XRCC4: variants seen among roughly 807,000 people sequenced by gnomAD.
XRCC4 encodes DNA repair protein XRCC4.
In XRCC4, 28 loss-of-function variants were observed where a neutral mutation model predicts 39.1. That is an observed-to-expected ratio of 0.72 (90% CI 0.53 to 0.98). The LOEUF is 0.98. Among genes scored for constraint, XRCC4 ranks in the 50% least tolerant of loss-of-function variants. XRCC4 has a pLI of 0.00. For missense variants in XRCC4, 350 were observed against 376.4 expected, an observed-to-expected ratio of 0.93 and a Z score of 0.58; for synonymous variants, 123 against 126.4, an observed-to-expected ratio of 0.97 and a Z score of 0.18.
At chr5:83,267,669 T>C (rs538268289) in intron 7 of XRCC4, among the ~76,000 whole-genome samples, 3 of 152,250 alleles carry the variant, frequency 2.0e-5, no homozygotes, top group African/African-American at 4.8e-5. Flanking sequence ...ATACCCACAA[T>C]GGACCACCCA....
intron 6 of XRCC4, among the ~76,000 whole-genome samples, chr5:83,240,705 C>A (rs1752874513): frequency 6.6e-6 from 1 of 151,998 alleles, no homozygotes; most frequent in Non-Finnish European, 1.5e-5. Context: ...CTTGTGTGTA[C>A]AAGATAGCTG....
intron 7 of XRCC4, among the ~76,000 whole-genome samples, chr5:83,275,055 G>C (rs1561448533): frequency 6.6e-6 from 1 of 152,160 alleles, no homozygotes; most frequent in Non-Finnish European, 1.5e-5. Context: ...GTTGGTCTTA[G>C]AGTAGGCTAA....
chr5:83,340,464 G>A (rs1490890307), intron 7 of XRCC4, among the ~76,000 whole-genome samples: 1 of 152,124 alleles, frequency 6.6e-6, no homozygotes, highest in Admixed American at 6.6e-5. Context: ...TAATCACAAA[G>A]GTCCTTAAGT....
At chr5:83,254,281 A>AC (rs1417958502) in intron 6 of XRCC4, among the ~76,000 whole-genome samples, 1 of 152,056 alleles carries the variant, frequency 6.6e-6, no homozygotes, top group Admixed American at 6.6e-5. Context: ...AGCTGATTTA[A>AC]CATATCGCTC....
intron 7 of XRCC4, among the ~76,000 whole-genome samples, chr5:83,308,945 G>A (rs1261890924): frequency 6.6e-6 from 1 of 151,530 alleles, no homozygotes. Flanking sequence ...TTCATTTATT[G>A]CACAGCAAGG....
intron 7 of XRCC4, among the ~76,000 whole-genome samples, chr5:83,278,960 C>T (rs1754434614): frequency 6.9e-6 from 1 of 145,678 alleles, no homozygotes; most frequent in Non-Finnish European, 1.5e-5. Flanking sequence ...TCCACTCCAC[C>T]ACTCCACTCC....
intron 7 of XRCC4, among the ~76,000 whole-genome samples, chr5:83,349,781 T>C (rs1364789971): frequency 6.6e-6 from 1 of 152,202 alleles, no homozygotes; most frequent in East Asian, 1.9e-4. Context: ...GCTTTTATTT[T>C]AGATACAGGG....
At chr5:83,328,534 T>C (rs1416762979) in intron 7 of XRCC4, among the ~76,000 whole-genome samples, 1 of 152,068 alleles carries the variant, frequency 6.6e-6, no homozygotes, top group Non-Finnish European at 1.5e-5. Context: ...ATGGAGCAAA[T>C]TGTAAAATTT....
intron 3 of XRCC4, among the ~76,000 whole-genome samples, chr5:83,160,100 A>G (rs1749135652): frequency 6.6e-6 from 1 of 152,214 alleles, no homozygotes; most frequent in Admixed American, 6.5e-5. Context: ...AGAAATAGAA[A>G]TAGCCCTGAA....
intron 3 of XRCC4, among the ~76,000 whole-genome samples, chr5:83,140,454 C>T (rs138698722): frequency 4.9e-4 from 75 of 152,224 alleles, no homozygotes; most frequent in African/African-American, 6.3e-4. Flanking sequence ...TTGTTCTAGC[C>T]GCACTGGCAG....
intron 4 of XRCC4, chr5:83,201,995 T>A (rs1751218980): frequency 6.8e-6 from 1 of 147,038 alleles, no homozygotes. Context: ...TGAGTGGAGA[T>A]CGTGCCACTG....
chr5:83,321,609 T>C (rs528224208), intron 7 of XRCC4, among the ~76,000 whole-genome samples: 1 of 152,282 alleles, frequency 6.6e-6, no homozygotes, highest in East Asian at 1.9e-4. Context: ...CAGCATACTA[T>C]GAAGAACATG....
intron 3 of XRCC4, among the ~76,000 whole-genome samples, chr5:83,116,608 CTTTTTTTTTTTTTT>C (rs559079642): frequency 1.9e-5 from 2 of 103,196 alleles, no homozygotes; most frequent in Non-Finnish European, 3.8e-5. Context: ...TTCTCTCTCT[CTTTTTTTTTTTTTT>C]TTTTTTTTTT....
At position 83,082,977 on chromosome 5, in the gene XRCC4, ACTG is replaced by A. The variant is rs963714672; in HGVS notation, c.-11+5368_-11+5370del. On this transcript the variant is annotated intron_variant, in intron 1 of 7. Transcript: ENST00000396027. ...CTTCTACCACAGGGCCTTTGCACTGACTGCTGCTTCTTTCTAGAATGCTTTTGG... is the reference window on the plus strand; with the variant it reads ...CTTCTACCACAGGGCCTTTGCACTGACTGCTTCTTTCTAGAATGCTTTTGG... Among the ~76,000 whole-genome samples, 3 of 150,706 alleles carry A rather than the reference ACTG, an allele frequency of 2.0e-5. 1 individual carries two copies. The highest frequency in any genetic ancestry group is 2.9e-5 in the Non-Finnish European group (2 of 67,842).
chr5:83,136,871 A>G (rs1013324652), intron 3 of XRCC4, among the ~76,000 whole-genome samples: 5 of 152,156 alleles, frequency 3.3e-5, no homozygotes, highest in South Asian at 4.1e-4. Context: ...CTGGAGATCT[A>G]ATTTATACCA....
intron 1 of XRCC4, among the ~76,000 whole-genome samples, chr5:83,097,725 G>A (rs973903112): frequency 1.3e-5 from 2 of 152,040 alleles, no homozygotes; most frequent in Non-Finnish European, 2.9e-5. Context: ...GCTGTTTCAG[G>A]TACTATCTTA....
chr5:83,125,208 T>C (rs959253470), intron 3 of XRCC4, among the ~76,000 whole-genome samples: 3 of 152,208 alleles, frequency 2.0e-5, no homozygotes, highest in African/African-American at 7.2e-5. Flanking sequence ...AATGTGAAAC[T>C]ATTTTCTTCT....
At chr5:83,363,596 T>C in the XRCC4 span, among the ~76,000 whole-genome samples, 1 of 152,174 alleles carries the variant, frequency 6.6e-6, no homozygotes, top group East Asian at 1.9e-4. Flanking sequence ...GGAGCATCCA[T>C]AAATGAAATG....
chr5:83,371,097 T>A, the XRCC4 span, among the ~76,000 whole-genome samples: 4 of 152,172 alleles, frequency 2.6e-5, no homozygotes, highest in African/African-American at 9.6e-5. Context: ...GCTCTTGTGC[T>A]TTTTCTTTGC....
Sources: gnomAD v4.1 joint callset for allele counts (sites outside exome capture counted in the v4.1 genomes callset) on GRCh38, gnomAD v4.1.1 for gene constraint, MANE v1.5 for transcripts, NCBI Gene and HGNC (gene_info 2026-07-23, HGNC 2026-07-21) for gene names.